Variants in DAD1 observed in about 807,000 individuals in gnomAD.
The protein encoded by DAD1 is dolichyl-diphosphooligosaccharide--protein glycosyltransferase subunit DAD1.
Under a neutral mutation model 9.0 loss-of-function variants are expected in DAD1, and 4 were observed. That is an observed-to-expected ratio of 0.44 (90% CI 0.22 to 1.01). The LOEUF (loss-of-function observed/expected upper bound fraction) is 1.01. Ranked by LOEUF, DAD1 falls within the 50% of genes least tolerant of loss-of-function variation. The probability of loss-of-function intolerance (pLI) is 0.24; values close to 1 mark genes in which losing one functional copy is unlikely to be tolerated. For missense variants in DAD1, 119 were observed against 137.3 expected, an observed-to-expected ratio of 0.87 and a Z score of 0.67; for synonymous variants, 60 against 62.5, an observed-to-expected ratio of 0.96 and a Z score of 0.19.
intron 1 of DAD1, among the ~76,000 whole-genome samples, chr14:22,585,027 T>C (rs946703059): frequency 6.6e-6 from 1 of 152,246 alleles, no homozygotes; most frequent in African/African-American, 2.4e-5. Flanking sequence ...GGCAAACTTC[T>C]AATCTCTCGG....
intron 1 of DAD1, among the ~76,000 whole-genome samples, chr14:22,585,919 C>T (rs1199189270): frequency 6.6e-6 from 1 of 152,170 alleles, no homozygotes; most frequent in African/African-American, 2.4e-5. Context: ...AAAAAAGCAC[C>T]CTCAGTGCCG....
intron 1 of DAD1, among the ~76,000 whole-genome samples, chr14:22,585,837 A>G (rs1290875771): frequency 6.6e-6 from 1 of 152,212 alleles, no homozygotes; most frequent in Non-Finnish European, 1.5e-5. Context: ...AAAAAAATAG[A>G]GAAGATTAAA....
chr14:22,574,956 A>C (rs1170760982), intron 2 of DAD1, 103 bp downstream of exon 2: 6 of 942,196 alleles, frequency 6.4e-6, no homozygotes, highest in Non-Finnish European at 9.5e-6. Context: ...TGCAAATGTC[A>C]ATAGCAGTAT....
At chr14:22,576,618 T>C (rs1007947614) in intron 1 of DAD1, among the ~76,000 whole-genome samples, 3 of 152,098 alleles carry the variant, frequency 2.0e-5, no homozygotes, top group Admixed American at 1.3e-4. Flanking sequence ...AATAGATAAA[T>C]TGGACTATAT....
chr14:22,586,358 C>T (rs1300848638), intron 1 of DAD1, among the ~76,000 whole-genome samples: 1 of 151,570 alleles, frequency 6.6e-6, no homozygotes, highest in Non-Finnish European at 1.5e-5. Flanking sequence ...CCAGCCTGAC[C>T]AACATGGAGA....
At chr14:22,575,609 A>G (rs1255700320) in intron 1 of DAD1, among the ~76,000 whole-genome samples, 1 of 152,192 alleles carries the variant, frequency 6.6e-6, no homozygotes, top group Non-Finnish European at 1.5e-5. Flanking sequence ...ATGCAGTGGC[A>G]TGATCTCGGC....
rs2036994966 is a variant in DAD1, at chr14:22,565,225, C to G, written c.*45-88G>C. On this transcript the variant is annotated intron_variant, in intron 2 of 2. Transcript: ENST00000250498. ...TCCATCTAAATTCTAACCCACAAGA[C>G]AGTTATGGGGTTCCCACACTCAGGA... 9 of 687,232 alleles carry G rather than the reference C, an allele frequency of 1.3e-5. No individual in the cohort carries two copies. The Admixed American group carries it at 1.9e-4, about 14-fold the overall frequency. The allele number at this position is 687,232 out of a possible 1,614,324, so 42.6% of individuals were successfully genotyped here.
chr14:22,577,975 C>T (rs1394103652), intron 1 of DAD1, among the ~76,000 whole-genome samples: 1 of 152,204 alleles, frequency 6.6e-6, no homozygotes, highest in Non-Finnish European at 1.5e-5. Flanking sequence ...AAAAAAAGGC[C>T]GGGCACGGTG....
chr14:22,569,943 G>C (rs553410359), intron 2 of DAD1, among the ~76,000 whole-genome samples: 1 of 152,172 alleles, frequency 6.6e-6, no homozygotes, highest in East Asian at 1.9e-4. Context: ...TTCCCAGCTT[G>C]GGCAACGTAG....
intron 2 of DAD1, among the ~76,000 whole-genome samples, chr14:22,568,278 A>G (rs953049911): frequency 6.6e-6 from 1 of 152,258 alleles, no homozygotes. Context: ...ATGTAAAAGT[A>G]TATGTGGAAT....
At position 22,589,145 on chromosome 14, in the gene DAD1, C is replaced by A; in HGVS notation, c.13G>T (p.Val5Leu). 6.2e-7 allele frequency: 1 copy of A among 1,614,218 alleles called. No homozygotes were observed. Residue 5 changes from valine (V) to leucine (L), a missense_variant, in exon 1 of 3, where the codon GTA (valine) becomes TTA (leucine). Coordinates refer to ENST00000250498, the MANE Select transcript of DAD1 (RefSeq NM_001344.4). ...AAGAACCGCGAAATGACAGACACTA[C>A]CGACGCCGACATAACTGCACGCAAG... MSAS[V>L]VSVISRFLEE...
chr14:22,578,949 G>A (rs908119503), intron 1 of DAD1, among the ~76,000 whole-genome samples: 1 of 152,140 alleles, frequency 6.6e-6, no homozygotes, highest in Admixed American at 6.5e-5. Flanking sequence ...TGCACTTGAG[G>A]CAACAACAAA....
In DAD1 at chr14:22,589,193, C is replaced by G. The variant is rs1019440898; in HGVS notation, c.-36G>C. The G allele has an allele frequency of 5.6e-6, 9 of 1,608,298 alleles. No individual in the cohort carries two copies. In the South Asian group the frequency reaches 6.6e-5, roughly 12 times the overall value. On this transcript the variant is annotated 5_prime_UTR_variant, in exon 1 of 3. Coordinates refer to ENST00000250498, the MANE Select transcript of DAD1 (RefSeq NM_001344.4). ...AAGGTACTCCGGTCCGCGCCCCAAA[C>G]TCTTGGAGGACCCGTCGACCACACC...
chr14:22,588,050 A>G (rs1379491416), intron 1 of DAD1, among the ~76,000 whole-genome samples: 1 of 152,192 alleles, frequency 6.6e-6, no homozygotes, highest in African/African-American at 2.4e-5. Flanking sequence ...GACAATTCCA[A>G]TGCTGTATTT....
At chr14:22,585,409 G>C (rs887963132) in intron 1 of DAD1, among the ~76,000 whole-genome samples, 5 of 152,190 alleles carry the variant, frequency 3.3e-5, no homozygotes, top group Non-Finnish European at 5.9e-5. Flanking sequence ...CTAAAGGGTT[G>C]CCAACACTGG....
At chr14:22,573,711 AAAAAAAAAAAAAAAAAACAGAAAAG>A (rs951771816) in intron 2 of DAD1, among the ~76,000 whole-genome samples, 1 of 136,342 alleles carries the variant, frequency 7.3e-6, no homozygotes, top group African/African-American at 3.0e-5. Flanking sequence ...CTCCATCTCA[AAAAAAAAAAAAAAAAAACAGAAAAG>A]AAAAAAAAAA....
chr14:22,573,254 C>T (rs772184295), intron 2 of DAD1, among the ~76,000 whole-genome samples: 11 of 151,710 alleles, frequency 7.3e-5, no homozygotes, highest in Non-Finnish European at 1.3e-4. Context: ...CTCAAGCAAT[C>T]GCCCACCTCG....
intron 1 of DAD1, among the ~76,000 whole-genome samples, chr14:22,579,776 G>C (rs555716964): frequency 3.3e-5 from 5 of 151,152 alleles, no homozygotes; most frequent in African/African-American, 1.2e-4. Context: ...AAAAGAATAA[G>C]GTAAATTCTC....
At chr14:22,577,395 T>G (rs1286602046) in intron 1 of DAD1, among the ~76,000 whole-genome samples, 2 of 152,072 alleles carry the variant, frequency 1.3e-5, no homozygotes, top group East Asian at 1.9e-4. Context: ...CATCACTCCG[T>G]CCCACTCCAG....
Sources: gnomAD v4.1 joint callset for allele counts (sites outside exome capture counted in the v4.1 genomes callset) on GRCh38, gnomAD v4.1.1 for gene constraint, MANE v1.5 for transcripts, NCBI Gene and HGNC (gene_info 2026-07-23, HGNC 2026-07-21) for gene names.